Variants in ATAD3B observed in about 807,000 individuals in gnomAD.
ATAD3B encodes the protein ATPase family AAA domain-containing protein 3B.
ATAD3B carries 59 observed loss-of-function variants against 70.2 expected under a neutral mutation model. The ratio of observed to expected loss-of-function variants is 0.84; its 90% CI spans 0.68 to 1.04. The LOEUF (loss-of-function observed/expected upper bound fraction) is 1.04, where lower values mean the gene tolerates loss of function less well. ATAD3B is among the 50% of genes least tolerant of loss of function. ATAD3B has a pLI of 0.00. For synonymous variants in ATAD3B, 423 were observed against 388.6 expected (o/e 1.09, Z -1.04); for missense variants, 961 against 913.4 (o/e 1.05, Z -0.67).
downstream of ATAD3B, among the ~76,000 whole-genome samples, chr1:1,502,604 C>T (rs556284326): frequency 1.8e-4 from 27 of 150,188 alleles, no homozygotes; most frequent in East Asian, 2.2e-3. Flanking sequence ...CTCCGCCTCC[C>T]GGGTTCAAGT....
At chr1:1,493,885 C>G (rs1195379217) in intron 15 of ATAD3B, among the ~76,000 whole-genome samples, 1 of 151,830 alleles carries the variant, frequency 6.6e-6, no homozygotes, top group Non-Finnish European at 1.5e-5. Context: ...TGCCATTTCT[C>G]TTGTGGTGTG....
chr1:1,500,905 C>G (rs1028499063), downstream of ATAD3B, among the ~76,000 whole-genome samples: 1 of 151,824 alleles, frequency 6.6e-6, no homozygotes, highest in Admixed American at 6.6e-5. Flanking sequence ...TACAGTGAGC[C>G]GAGATTGCGG....
downstream of ATAD3B, among the ~76,000 whole-genome samples, chr1:1,499,181 C>T (rs1425823560): frequency 1.3e-5 from 2 of 151,420 alleles, no homozygotes; most frequent in East Asian, 1.9e-4. Flanking sequence ...CCGTGTTAGC[C>T]AGGATGGTCT....
chr1:1,489,501 C>G, intron 13 of ATAD3B: 1 of 999,384 alleles, frequency 1.0e-6, no homozygotes, highest in South Asian at 1.7e-5. Context: ...TCTTCACGGC[C>G]CTGTGCGCCG....
chr1:1,473,494 G>C (rs1390892078), intron 1 of ATAD3B, among the ~76,000 whole-genome samples: 3 of 149,478 alleles, frequency 2.0e-5, no homozygotes, highest in Non-Finnish European at 4.4e-5. Context: ...GTGAGCCACC[G>C]CATGCCACCT....
At chr1:1,490,108 G>C (rs1006252664) in intron 13 of ATAD3B, 149 bp from the exon 14 acceptor site, 1 of 1,435,916 alleles carries the variant, frequency 7.0e-7, no homozygotes, top group African/African-American at 1.4e-5. Context: ...CAGGGCTGTG[G>C]CTGCGTTCTC....
chr1:1,494,277 G>A lies in ATAD3B; in HGVS notation c.1615-1208G>A, dbSNP rs531254041. Reference sequence around the variant, plus strand: ...GCTTCCTGGAGGGGTGGCCCTGTGAGCATCTGCGTAGCCCCTCTCCTCTGC... The same window carrying A: ...GCTTCCTGGAGGGGTGGCCCTGTGAACATCTGCGTAGCCCCTCTCCTCTGC... On this transcript the variant is annotated intron_variant, in intron 15 of 15. Coordinates refer to ENST00000673477, the MANE Select transcript of ATAD3B (RefSeq NM_031921.6). Among the ~76,000 whole-genome samples, 14 of 152,102 alleles carry A rather than the reference G, an allele frequency of 9.2e-5. No homozygotes were observed. The South Asian group carries it at 2.9e-3, about 32-fold the overall frequency.
At chr1:1,500,993 A>G (rs969297226), downstream of ATAD3B, among the ~76,000 whole-genome samples, 14 of 152,182 alleles carry the variant, frequency 9.2e-5, no homozygotes, top group Non-Finnish European at 1.6e-4. Context: ...ATTGGTATAG[A>G]TGGTTCCTTC....
chr1:1,504,911 C>G, the ATAD3B span, among the ~76,000 whole-genome samples: 1 of 151,696 alleles, frequency 6.6e-6, no homozygotes, highest in Non-Finnish European at 1.5e-5. Context: ...CCAGTGCCAA[C>G]TTTGTCCTTC....
At chr1:1,491,952 AAGTC>A (rs943282015) in intron 15 of ATAD3B, among the ~76,000 whole-genome samples, 14 of 152,006 alleles carry the variant, frequency 9.2e-5, no homozygotes, top group African/African-American at 3.4e-4. Context: ...TGGGGAGGCC[AAGTC>A]AGTCAGATTA....
intron 1 of ATAD3B, among the ~76,000 whole-genome samples, chr1:1,475,343 C>A (rs1266147899): frequency 6.6e-6 from 1 of 151,644 alleles, no homozygotes; most frequent in African/African-American, 2.4e-5. Context: ...CCGGAGTTGA[C>A]TGCCCCCTTT....
downstream of ATAD3B, among the ~76,000 whole-genome samples, chr1:1,502,508 T>C (rs1054788130): frequency 2.6e-3 from 318 of 122,522 alleles, 29 homozygotes; most frequent in African/African-American, 8.7e-3. Context: ...GTGCCCAGCA[T>C]TTTTTTTTTT....
chr1:1,495,803 C>T lies in ATAD3B; in HGVS notation c.1933C>T (p.His645Tyr), dbSNP rs975898540. 9.4e-6 allele frequency: 15 copies of T among 1,587,512 alleles called. No individual in the cohort carries two copies. The African/African-American group carries it at 1.5e-4, about 16-fold the overall frequency. ...CGGTCGGCCGTTCTGCCCCCCAGGG[C>T]ACCCCCTGTTGTAGGCACTGGCTAG... ...GGGRPFCPPG[H>Y]PLL Residue 645 changes from histidine (H) to tyrosine (Y), a missense_variant, in exon 16 of 16, where the codon CAC (histidine) becomes TAC (tyrosine). His to Tyr is a moderately conservative substitution (Grantham distance 83). Transcript: ENST00000673477.
intron 7 of ATAD3B, 151 bp from the exon 8 acceptor site, chr1:1,484,865 G>T: frequency 7.0e-7 from 1 of 1,422,118 alleles, no homozygotes; most frequent in Non-Finnish European, 9.3e-7. Context: ...TGTGGGATTC[G>T]GGGCTGGGAA....
At chr1:1,476,609 C>T (rs150276403) in intron 1 of ATAD3B, among the ~76,000 whole-genome samples, 1,561 of 148,272 alleles carry the variant, frequency 0.011, 37 homozygotes, top group African/African-American at 0.036. Flanking sequence ...CCCAGGTTCA[C>T]GCCATTCTCC....
intron 15 of ATAD3B, among the ~76,000 whole-genome samples, chr1:1,492,788 A>G (rs1640600619): frequency 6.6e-6 from 1 of 151,564 alleles, no homozygotes; most frequent in African/African-American, 2.4e-5. Context: ...AAAATAAAAA[A>G]ATTATCCAGG....
chr1:1,480,603 C>T (rs1454498798), intron 4 of ATAD3B, among the ~76,000 whole-genome samples: 1 of 147,260 alleles, frequency 6.8e-6, no homozygotes, highest in African/African-American at 2.5e-5. Flanking sequence ...GTTGGGAGGT[C>T]GGCCCGCGGT....
intron 13 of ATAD3B, chr1:1,489,955 G>A: frequency 4.0e-6 from 5 of 1,263,030 alleles, no homozygotes; most frequent in Non-Finnish European, 5.0e-6. Context: ...GCGGGGCTCA[G>A]GTAGCAGGAG....
In ATAD3B at chr1:1,477,319, C is replaced by A. The variant is rs144497634; in HGVS notation, c.251C>A (p.Thr84Lys). 8 of 1,612,260 alleles carry A rather than the reference C, an allele frequency of 5.0e-6. No individual in the cohort carries two copies. The highest frequency in any genetic ancestry group is 2.2e-5 in the East Asian group (1 of 44,884). ...AATCTGGCGCAGATGCAGGAGCAGA[C>A]GCTGCAGTTGGAGCAACAGTCCAAG... ...ALNLAQMQEQ[T>K]LQLEQQSKLK... The change falls in exon 2 of 16, where the codon ACG (threonine) becomes AAG (lysine). Residue 84 changes from threonine to lysine, a missense_variant. Transcript: ENST00000673477.
Sources: gnomAD v4.1 joint callset for allele counts (sites outside exome capture counted in the v4.1 genomes callset) on GRCh38, gnomAD v4.1.1 for gene constraint, MANE v1.5 for transcripts, NCBI Gene and HGNC (gene_info 2026-07-23, HGNC 2026-07-21) for gene names.